CLIP4: variants seen among roughly 807,000 people sequenced by gnomAD.
CLIP4 encodes the protein CAP-Gly domain-containing linker protein 4.
Under a neutral mutation model 73.1 loss-of-function variants are expected in CLIP4, and 47 were observed. That is an observed-to-expected ratio of 0.64 (90% confidence interval 0.51 to 0.82). CLIP4 has a LOEUF of 0.82. Among genes scored for constraint, CLIP4 ranks in the 40% least tolerant of loss-of-function variants. The probability of loss-of-function intolerance (pLI) is 0.00; values close to 1 mark genes in which losing one functional copy is unlikely to be tolerated. For missense variants in CLIP4, 874 were observed against 852.9 expected (o/e 1.02, Z -0.31); for synonymous variants, 306 against 295.4 (o/e 1.04, Z -0.37).
At chr2:29,121,339 A>C (rs1664234562) in intron 1 of CLIP4, 35 bp from the exon 2 acceptor site, 2 of 1,554,720 alleles carry the variant, frequency 1.3e-6, no homozygotes, top group South Asian at 1.2e-5. Flanking sequence ...CATACAAATA[A>C]AGTAGAAACA....
At chr2:29,166,546 C>CACAA (rs959236340) in intron 13 of CLIP4, among the ~76,000 whole-genome samples, 4 of 151,742 alleles carry the variant, frequency 2.6e-5, no homozygotes, top group African/African-American at 9.7e-5. Flanking sequence ...CACACACACA[C>CACAA]ACACACACAC....
chr2:29,157,261 A>C lies in CLIP4; in HGVS notation c.1313A>C (p.Gln438Pro), dbSNP rs1349781279. The change falls in exon 11 of 16, where the codon CAG (glutamine) becomes CCG (proline). Residue 438 changes from glutamine (Q) to proline (P), a missense_variant. Physicochemically the swap from Gln to Pro is moderately conservative, Grantham distance 76. Transcript: ENST00000320081. ...TCTACATCTTCTTTGGAACACAGAC[A>C]GAGCTACCCCAAGAAACAGAATGCA... ...CSSTSSLEHR[Q>P]SYPKKQNAIS... 1.1e-5 allele frequency: 17 copies of C among 1,614,014 alleles called. No homozygotes were observed. The highest frequency in any genetic ancestry group is 1.4e-5 in the Non-Finnish European group (17 of 1,179,996).
chr2:29,176,305 G>A (rs1274921771), intron 15 of CLIP4, among the ~76,000 whole-genome samples: 2 of 152,200 alleles, frequency 1.3e-5, no homozygotes, highest in Non-Finnish European at 2.9e-5. Context: ...TCTGAGACAC[G>A]TGTGTTGAGA....
rs1558530868 is a variant in CLIP4, at chr2:29,133,710, CA to C, written c.424del (p.Ile142LeufsTer10). 6.2e-7 allele frequency: 1 copy of C among 1,613,704 alleles called. No homozygotes were observed. ...ATQLIDLGAD[I>X]SLRSRWTNMN... is the part of the protein sequence containing the mutation. ...CTCAGCTTATTGACCTGGGAGCAGA[CA>C]TTAGTTTGCGGAGTCGCTGGACAAA... On this transcript the variant is annotated frameshift_variant, in exon 5 of 16. Transcript: ENST00000320081. LOFTEE classifies it high-confidence loss of function.
chr2:29,167,019 T>C (rs1667667895), intron 13 of CLIP4, among the ~76,000 whole-genome samples: 1 of 152,184 alleles, frequency 6.6e-6, no homozygotes, highest in Non-Finnish European at 1.5e-5. Context: ...GAGTCAAGTA[T>C]AAAGTAAAAG....
At chr2:29,162,628 A>G (rs1051377178) in intron 12 of CLIP4, among the ~76,000 whole-genome samples, 2 of 152,250 alleles carry the variant, frequency 1.3e-5, no homozygotes, top group African/African-American at 4.8e-5. Context: ...CATAAAAGGC[A>G]GAAGCAAGTA....
At chr2:29,119,524 C>T (rs1408632008) in intron 1 of CLIP4, among the ~76,000 whole-genome samples, 1 of 151,968 alleles carries the variant, frequency 6.6e-6, no homozygotes, top group Non-Finnish European at 1.5e-5. Flanking sequence ...TGTCTGAGTC[C>T]CAAACCGTGA....
chr2:29,107,500 T>A (rs928635772), intron 1 of CLIP4, among the ~76,000 whole-genome samples: 1 of 149,116 alleles, frequency 6.7e-6, no homozygotes, highest in Non-Finnish European at 1.5e-5. Context: ...GCCTCCCAAG[T>A]AGCTGGGACT....
rs773742300 is a variant in CLIP4, at chr2:29,143,823, G to T, written c.763G>T (p.Val255Leu). ...AATCAAGCAGATGCTTCTAGATGCGGTGCCTCTGTCATGTAACATCTCAAA... is the reference window on the plus strand; with the variant it reads ...AATCAAGCAGATGCTTCTAGATGCGTTGCCTCTGTCATGTAACATCTCAAA... ...KEIKQMLLDA[V>L]PLSCNISKAM... is the part of the protein sequence containing the mutation. Residue 255 changes from valine (V) to leucine (L), a missense_variant, in exon 7 of 16, where the codon GTG (valine) becomes TTG (leucine). Transcript: ENST00000320081. 1.2e-6 allele frequency: 2 copies of T among 1,614,130 alleles called. No homozygotes were observed. The highest frequency in any genetic ancestry group is 4.5e-5 in the East Asian group (2 of 44,882).
intron 1 of CLIP4, among the ~76,000 whole-genome samples, chr2:29,108,303 T>C (rs547366885): frequency 7.9e-5 from 12 of 152,214 alleles, no homozygotes; most frequent in Non-Finnish European, 1.5e-4. Context: ...CAGGGGTTAC[T>C]TGAACACAAG....
chr2:29,137,652 T>C (rs1665463102), intron 6 of CLIP4, among the ~76,000 whole-genome samples: 1 of 152,212 alleles, frequency 6.6e-6, no homozygotes, highest in South Asian at 2.1e-4. Flanking sequence ...TGTATAAATG[T>C]TCCTTTTCTC....
At chr2:29,131,931 A>G (rs1664999464) in intron 3 of CLIP4, 1 of 482,798 alleles carries the variant, frequency 2.1e-6, no homozygotes, top group Middle Eastern at 5.3e-4. Flanking sequence ...CTTTGGAATA[A>G]TCTTTAAGAA....
chr2:29,101,369 C>T (rs931831319), intron 1 of CLIP4, among the ~76,000 whole-genome samples: 21 of 151,504 alleles, frequency 1.4e-4, no homozygotes, highest in Non-Finnish European at 1.6e-4. Flanking sequence ...AGCTGAAGGC[C>T]CAATAGCCCC....
intron 9 of CLIP4, 24 bp downstream of exon 9, chr2:29,152,852 C>G: frequency 1.2e-6 from 2 of 1,606,626 alleles, no homozygotes; most frequent in Non-Finnish European, 1.7e-6. Context: ...GAAAGTTAAC[C>G]ATCTGCTTCA....
chr2:29,102,350 C>G (rs1165726334), intron 1 of CLIP4, among the ~76,000 whole-genome samples: 1 of 152,180 alleles, frequency 6.6e-6, no homozygotes, highest in East Asian at 1.9e-4. Context: ...GACATATACA[C>G]AACTTTGGTC....
intron 1 of CLIP4, among the ~76,000 whole-genome samples, chr2:29,099,475 T>A (rs1311514612): frequency 6.6e-6 from 1 of 152,240 alleles, no homozygotes; most frequent in Non-Finnish European, 1.5e-5. Flanking sequence ...TTTTTTTCCA[T>A]TGAATTGTCT....
intron 1 of CLIP4, 90 bp from the exon 2 acceptor site, chr2:29,121,284 T>C: frequency 8.0e-7 from 1 of 1,252,842 alleles, no homozygotes. Context: ...AGATTTGACG[T>C]CAAATAACTT....
chr2:29,129,726 G>T (rs546302969), intron 2 of CLIP4, among the ~76,000 whole-genome samples: 4 of 152,012 alleles, frequency 2.6e-5, no homozygotes, highest in African/African-American at 9.7e-5. Flanking sequence ...ATCAAAGAAT[G>T]CATTCCATTG....
intron 1 of CLIP4, among the ~76,000 whole-genome samples, chr2:29,100,771 T>C (rs1668019131): frequency 6.6e-6 from 1 of 151,620 alleles, no homozygotes; most frequent in South Asian, 2.1e-4. Context: ...GCAGGAATGT[T>C]AGAGGGAGGG....
Sources: gnomAD v4.1 joint callset for allele counts (sites outside exome capture counted in the v4.1 genomes callset) on GRCh38, gnomAD v4.1.1 for gene constraint, MANE v1.5 for transcripts, NCBI Gene and HGNC (gene_info 2026-07-23, HGNC 2026-07-21) for gene names.